The following SUSD1 variants were observed in gnomAD, a reference collection of about 807,000 sequenced individuals.
SUSD1 encodes sushi domain containing 1, also known as sushi domain-containing protein 1.
Under a neutral mutation model 86.9 loss-of-function variants are expected in SUSD1, and 65 were observed. The observed-to-expected ratio is 0.75, with a 90% CI of 0.61 to 0.92. SUSD1 has a LOEUF of 0.92. Among genes scored for constraint, SUSD1 ranks in the 40% least tolerant of loss-of-function variants. SUSD1 has a pLI of 0.00. For synonymous variants in SUSD1, 346 were observed against 350.0 expected, an observed-to-expected ratio of 0.99 and a Z score of 0.13; for missense variants, 850 against 929.7, an observed-to-expected ratio of 0.91 and a Z score of 1.11.
intron 1 of SUSD1, among the ~76,000 whole-genome samples, chr9:112,160,714 A>G (rs752154049): frequency 1.9e-4 from 29 of 152,198 alleles, no homozygotes; most frequent in Non-Finnish European, 3.7e-4. Context: ...GATGCATGGT[A>G]ATTGCCTTAG....
rs553497049 is a variant in SUSD1, at chr9:112,164,868, C to T, written c.104-7255G>A. Among the ~76,000 whole-genome samples, 12 of 152,270 alleles carry T rather than the reference C, an allele frequency of 7.9e-5. No individual in the cohort carries two copies. In the East Asian group the frequency reaches 1.7e-3, roughly 22 times the overall value. The stretch of plus-strand genomic sequence containing the variant: ...CTGAGGCAGAAGAATCACTTGAAGC[C>T]GGGAGGCGGAGGTTGCAGTGAGCCG... On this transcript the variant is annotated intron_variant, in intron 1 of 16. Coordinates refer to ENST00000374270, the MANE Select transcript of SUSD1 (RefSeq NM_022486.5).
chr9:112,056,266 CAA>C (rs112227247), intron 14 of SUSD1, among the ~76,000 whole-genome samples: 1 of 136,778 alleles, frequency 7.3e-6, no homozygotes. Context: ...GACTCTGCCT[CAA>C]AAAAAAAAAA....
intron 10 of SUSD1, among the ~76,000 whole-genome samples, chr9:112,088,623 C>T (rs1830078305): frequency 6.6e-6 from 1 of 151,984 alleles, no homozygotes; most frequent in Admixed American, 6.6e-5. Context: ...CCTGTCTCCA[C>T]TAAAATAGAA....
chr9:112,043,654 T>C lies in SUSD1; in HGVS notation c.2150-1694A>G, dbSNP rs138112043. ...CTAGGCAGCAGGCAAGGAAAACTCATTGGGCGGTTACTAATTCTCAAAAAA... is the reference window on the plus strand; with the variant it reads ...CTAGGCAGCAGGCAAGGAAAACTCACTGGGCGGTTACTAATTCTCAAAAAA... On this transcript the variant is annotated intron_variant, in intron 15 of 16. Transcript: ENST00000374270. Among the ~76,000 whole-genome samples the C allele has an allele frequency of 9.2e-5, 14 of 152,302 alleles. No homozygotes were observed. In the East Asian group the frequency reaches 1.9e-3, roughly 21 times the overall value.
chr9:112,135,206 A>C (rs1832210398), intron 5 of SUSD1, among the ~76,000 whole-genome samples: 1 of 152,208 alleles, frequency 6.6e-6, no homozygotes, highest in Non-Finnish European at 1.5e-5. Flanking sequence ...ACTTGCTCTT[A>C]AGGCGATAGA....
intron 5 of SUSD1, among the ~76,000 whole-genome samples, chr9:112,128,348 C>T (rs1831868515): frequency 6.6e-6 from 1 of 151,938 alleles, no homozygotes; most frequent in Non-Finnish European, 1.5e-5. Flanking sequence ...CCTGTCTCAG[C>T]CTCCCAAAGT....
chr9:112,173,525 C>T (rs759933559), intron 1 of SUSD1: 1 of 280,236 alleles, frequency 3.6e-6, no homozygotes, highest in Non-Finnish European at 7.1e-6. Flanking sequence ...CAGATCTCTA[C>T]TCTGAAGGCT....
At chr9:112,055,906 A>G (rs2118932468) in intron 14 of SUSD1, among the ~76,000 whole-genome samples, 1 of 152,352 alleles carries the variant, frequency 6.6e-6, no homozygotes, top group Non-Finnish European at 1.5e-5. Flanking sequence ...AGCCAGTCAC[A>G]AAAAGAAAAT....
At chr9:112,167,487 A>G (rs1212959346) in intron 1 of SUSD1, among the ~76,000 whole-genome samples, 1 of 152,228 alleles carries the variant, frequency 6.6e-6, no homozygotes, top group African/African-American at 2.4e-5. Context: ...GTGTAAAGCA[A>G]CACGCAAATA....
chr9:112,152,629 C>T (rs1325788601), intron 2 of SUSD1, among the ~76,000 whole-genome samples: 2 of 146,848 alleles, frequency 1.4e-5, no homozygotes, highest in African/African-American at 5.1e-5. Context: ...AGACTCATCT[C>T]GAACTCCTGG....
At chr9:112,125,816 G>A (rs375849586) in intron 5 of SUSD1, among the ~76,000 whole-genome samples, 1 of 152,214 alleles carries the variant, frequency 6.6e-6, no homozygotes, top group African/African-American at 2.4e-5. Flanking sequence ...TACAGAATGT[G>A]TGGATTTAAT....
Position 112,098,528 on chromosome 9 carries a change from G to A in SUSD1, c.1416C>T (p.Thr472=). 1.2e-6 allele frequency: 2 copies of A among 1,614,088 alleles called. No individual in the cohort carries two copies. Among genetic ancestry groups the A allele is most frequent in the Non-Finnish European group, 1.7e-6 (2 of 1,180,018 alleles). ...AGTGCCGCTTAGGAGATCTCAGCAG[G>A]GTCACATTCACCGTATAATCAGTCG... ...YPTTDYTVNV[T]LLRSPKRHSV... The change falls in exon 10 of 17, where the codon ACC becomes ACT. Residue 472 remains threonine, a synonymous_variant. Transcript: ENST00000374270.
intron 2 of SUSD1, among the ~76,000 whole-genome samples, chr9:112,152,193 A>G (rs28814025): frequency 0.018 from 2,597 of 147,394 alleles, 74 homozygotes; most frequent in African/African-American, 0.061. Context: ...ACAGAGTGAG[A>G]CTCTGTCTCA....
chr9:112,124,877 A>T (rs569554542), intron 5 of SUSD1, among the ~76,000 whole-genome samples: 209 of 152,340 alleles, frequency 1.4e-3, no homozygotes, highest in Non-Finnish European at 2.5e-3. Context: ...CTAAGGATTC[A>T]ACTTATATGC....
intron 5 of SUSD1, chr9:112,138,038 C>A (rs1332641874): frequency 6.6e-6 from 1 of 150,922 alleles, no homozygotes; most frequent in African/African-American, 2.4e-5. Context: ...GCCTGGCCAA[C>A]ATGGCGAAAC....
chr9:112,075,133 AT>A (rs1391632776), intron 12 of SUSD1, among the ~76,000 whole-genome samples: 1 of 152,008 alleles, frequency 6.6e-6, no homozygotes, highest in African/African-American at 2.4e-5. Flanking sequence ...TGGAGTCGCT[AT>A]TCATTTTAAT....
chr9:112,082,367 T>C (rs879918265), intron 10 of SUSD1, among the ~76,000 whole-genome samples: 15 of 152,160 alleles, frequency 9.9e-5, no homozygotes, highest in Admixed American at 2.0e-4. Context: ...CAGAAACACT[T>C]TGTAGAGGTG....
At chr9:112,151,097 C>T (rs1436595223) in intron 2 of SUSD1, among the ~76,000 whole-genome samples, 2 of 152,170 alleles carry the variant, frequency 1.3e-5, no homozygotes, top group Admixed American at 6.5e-5. Context: ...CACAAGCCAT[C>T]GTGCCCAGTT....
intron 9 of SUSD1, among the ~76,000 whole-genome samples, chr9:112,101,779 G>C (rs940885696): frequency 6.6e-6 from 1 of 152,196 alleles, no homozygotes; most frequent in African/African-American, 2.4e-5. Context: ...CCCGGAGGCA[G>C]AGATTGCAGT....
Sources: allele counts gnomAD v4.1 joint callset (sites outside exome capture counted in the v4.1 genomes callset), GRCh38; gene constraint gnomAD v4.1.1; transcripts MANE v1.5; gene names NCBI Gene and HGNC (gene_info 2026-07-23, HGNC 2026-07-21).